SYNM: variants seen among roughly 807,000 people sequenced by gnomAD.
The protein encoded by SYNM is desmuslin.
A neutral mutation model predicts 104.0 loss-of-function variants in SYNM; 95 were observed. The ratio of observed to expected loss-of-function variants is 0.91; its 90% CI spans 0.77 to 1.08. SYNM has a LOEUF of 1.08. SYNM is among the 50% of genes least tolerant of loss of function. The pLI, the probability that SYNM is intolerant of heterozygous loss-of-function variation, is 0.00. For missense variants in SYNM, 2,150 were observed against 2,052.2 expected (o/e 1.05, Z -0.92); for synonymous variants, 918 against 869.0 (o/e 1.06, Z -0.99).
intron 2 of SYNM, among the ~76,000 whole-genome samples, chr15:99,120,474 G>A (rs1462521811): frequency 6.6e-6 from 1 of 152,206 alleles, no homozygotes; most frequent in Admixed American, 6.5e-5. Context: ...CCCGTCTCTG[G>A]GCAGCTGGGC....
Position 99,129,478 on chromosome 15 carries a change from C to T in SYNM, c.1118C>T (p.Ala373Val). 6.2e-7 allele frequency: 1 copy of T among 1,613,980 alleles called. No individual in the cohort carries two copies. Among genetic ancestry groups the T allele is most frequent in the Non-Finnish European group, 8.5e-7 (1 of 1,179,898 alleles). ...TTGGCAAGTTTCAATCACAGCTCGG[C>T]ACTGTATTCTAACCTGTCAGGGCAC... ...APLASFNHSSALYSNLSGHRG... is the reference protein window; with the variant it reads ...APLASFNHSSVLYSNLSGHRG... The change falls in exon 4 of 4, where the codon GCA becomes GTA. Residue 373 changes from alanine to valine, a missense_variant. By Grantham distance (64) the Ala-to-Val change is moderately conservative (BLOSUM62 0). Transcript: ENST00000336292.
rs113288259 is a variant in SYNM, at chr15:99,105,288, G to A, written c.89G>A (p.Arg30Gln). The A allele has an allele frequency of 2.2e-5, 34 of 1,553,220 alleles. 1 individual carries two copies. In the African/African-American group the frequency reaches 2.7e-4, roughly 12 times the overall value. Residue 30 changes from arginine (R) to glutamine (Q), a missense_variant, in exon 1 of 4, where the codon CGG becomes CAG. Physicochemically the swap from Arg to Gln is conservative, Grantham distance 43 (BLOSUM62 1). Coordinates refer to ENST00000336292, the MANE Select transcript of SYNM (RefSeq NM_145728.3). Reference sequence around the variant, plus strand: ...CTCTATGACTACGTGTGTCGGGTGCGGGAGCTGGAGCGCGAAAACCTACTC... The same window carrying A: ...CTCTATGACTACGTGTGTCGGGTGCAGGAGCTGGAGCGCGAAAACCTACTC... The part of the protein sequence containing the change: ...ARLYDYVCRV[R>Q]ELERENLLLE...
downstream of SYNM, chr15:99,136,665 T>C (rs2067615391): frequency 6.6e-6 from 1 of 152,322 alleles, no homozygotes; most frequent in Admixed American, 6.5e-5. Flanking sequence ...CTTTGGGGAT[T>C]AGGGCTTCAA....
Position 99,113,554 on chromosome 15 carries a change from C to T in SYNM, c.811-37C>T, listed in dbSNP as rs1555483613. ...CCTTCAGTTCGACCCAGTAAAGCTC[C>T]AGTTCTCTGATATAAAAGTCTGTCT... On this transcript the variant is annotated intron_variant, in intron 1 of 3. Coordinates refer to ENST00000336292, the MANE Select transcript of SYNM (RefSeq NM_145728.3). 3 of 1,610,396 alleles carry T rather than the reference C, an allele frequency of 1.9e-6. No individual in the cohort carries two copies. The South Asian group carries it at 3.3e-5, about 18-fold the overall frequency.
Position 99,129,981 on chromosome 15 carries a change from G to T in SYNM, c.1621G>T (p.Glu541Ter). The change falls in exon 4 of 4, where the codon GAA (glutamate) becomes TAA (stop). Residue 541 changes from glutamate to a stop codon, truncating the protein, a stop_gained. Coordinates refer to ENST00000336292, the MANE Select transcript of SYNM (RefSeq NM_145728.3). LOFTEE classifies it high-confidence loss of function. ...ASEERNLRWE[E>*]LTKLDKEARQ... Reference sequence around the variant, plus strand: ...CGAGGAGAGAAACCTAAGATGGGAAGAATTGACAAAGTTAGATAAGGAAGC... The same window carrying T: ...CGAGGAGAGAAACCTAAGATGGGAATAATTGACAAAGTTAGATAAGGAAGC... The T allele has an allele frequency of 6.2e-7, 1 of 1,612,366 alleles. No homozygotes were observed. The highest frequency in any genetic ancestry group is 8.5e-7 in the Non-Finnish European group (1 of 1,179,110).
At chr15:99,124,288 TCTC>T (rs1209531304) in intron 2 of SYNM, among the ~76,000 whole-genome samples, 1 of 152,200 alleles carries the variant, frequency 6.6e-6, no homozygotes, top group Non-Finnish European at 1.5e-5. Flanking sequence ...GTTTCTGGCT[TCTC>T]CTCAGAGTCT....
downstream of SYNM, chr15:99,138,135 C>T (rs782493207): frequency 2.4e-5 from 38 of 1,611,854 alleles, no homozygotes; most frequent in Admixed American, 8.3e-5. Flanking sequence ...GCCCTGCAGA[C>T]AAGCAGAGGG....
chr15:99,131,574 G>C lies in SYNM; in HGVS notation c.3214G>C (p.Glu1072Gln). The change falls in exon 4 of 4, where the codon GAG becomes CAG. Residue 1072 changes from glutamate to glutamine, a missense_variant. Glu to Gln is a conservative substitution (Grantham distance 29). Transcript: ENST00000336292. The surrounding 1 kb of genome is among the most constrained non-coding windows in gnomAD (Gnocchi z 4.3). The part of the protein sequence containing the change: ...GIRFRRWATR[E>Q]LYIPSGESEV... ...TCGCTTTAGGCGTTGGGCCACCCGG[G>C]AGCTGTACATCCCTTCAGGCGAGAG... 6.2e-7 allele frequency: 1 copy of C among 1,609,538 alleles called. No homozygotes were observed. Among genetic ancestry groups the C allele is most frequent in the Non-Finnish European group, 8.5e-7 (1 of 1,179,714 alleles).
At chr15:99,115,685 C>T (rs1480038614) in intron 2 of SYNM, among the ~76,000 whole-genome samples, 2 of 152,070 alleles carry the variant, frequency 1.3e-5, no homozygotes, top group Non-Finnish European at 2.9e-5. Flanking sequence ...TGGTCTCGAA[C>T]TCCTGACCTC....
chr15:99,132,844 G>C lies in SYNM; in HGVS notation c.4484G>C (p.Ser1495Thr). The C allele has an allele frequency of 6.2e-7, 1 of 1,613,978 alleles. No individual in the cohort carries two copies. Among genetic ancestry groups the C allele is most frequent in the Non-Finnish European group, 8.5e-7 (1 of 1,179,884 alleles). Residue 1495 changes from serine to threonine, a missense_variant, in exon 4 of 4, where the codon AGT becomes ACT. Transcript: ENST00000336292. ...SDRGSWRDAD[S>T]RNDQAVGVSF... ...CGTGGTTCCTGGAGAGACGCGGACA[G>C]TAGGAATGACCAGGCAGTTGGTGTG...
chr15:99,105,281 C>T lies in SYNM; in HGVS notation c.82C>T (p.Arg28Trp). The change falls in exon 1 of 4, where the codon CGG becomes TGG. Residue 28 changes from arginine (R) to tryptophan (W), a missense_variant. Coordinates refer to ENST00000336292, the MANE Select transcript of SYNM (RefSeq NM_145728.3). ...CGCCCGGCTCTATGACTACGTGTGT[C>T]GGGTGCGGGAGCTGGAGCGCGAAAA... ...LNARLYDYVC[R>W]VRELERENLL... is the part of the protein sequence containing the mutation. The T allele has an allele frequency of 6.4e-7, 1 of 1,557,158 alleles. No homozygotes were observed. The highest frequency in any genetic ancestry group is 8.7e-7 in the Non-Finnish European group (1 of 1,151,536).
At chr15:99,139,017 C>A (rs1555488629), downstream of SYNM, 4 of 442,996 alleles carry the variant, frequency 9.0e-6, no homozygotes, top group African/African-American at 8.0e-5. Flanking sequence ...CTGCAGGAGG[C>A]CACAGGGATT....
rs2067483066 is a variant in SYNM at position 99,129,929 on chromosome 15, A to G, written c.1569A>G (p.Lys523=). Reference sequence around the variant, plus strand: ...CCATCCGAACAAAGCCAGAAGAGAAAATGTTCGATTCTAAAGAGAAGGCTT... The same window carrying G: ...CCATCCGAACAAAGCCAGAAGAGAAGATGTTCGATTCTAAAGAGAAGGCTT... ...PETIRTKPEE[K]MFDSKEKASE... Residue 523 remains lysine (K), a synonymous_variant, in exon 4 of 4, where the codon AAA becomes AAG. Coordinates refer to ENST00000336292, the MANE Select transcript of SYNM (RefSeq NM_145728.3). The G allele has an allele frequency of 1.9e-6, 3 of 1,612,288 alleles. No individual in the cohort carries two copies. The highest frequency in any genetic ancestry group is 2.5e-6 in the Non-Finnish European group (3 of 1,179,098).
intron 1 of SYNM, 86 bp downstream of exon 1, chr15:99,106,095 C>T (rs1555482786): frequency 7.7e-7 from 1 of 1,305,770 alleles, no homozygotes; most frequent in African/African-American, 1.6e-5. Context: ...GCAGCGGCCC[C>T]TTCACCAGGG....
chr15:99,114,915 T>C (rs555717171), intron 2 of SYNM, among the ~76,000 whole-genome samples: 3 of 152,298 alleles, frequency 2.0e-5, no homozygotes, highest in East Asian at 3.9e-4. Context: ...AGAGACCCAG[T>C]TGCCCAACTT....
chr15:99,137,880 T>C, downstream of SYNM: 14 of 1,436,490 alleles, frequency 9.7e-6, no homozygotes, highest in Non-Finnish European at 1.2e-5. Flanking sequence ...TGTTGCATGT[T>C]GGGGCCAACA....
chr15:99,138,109 C>T (rs782741576), downstream of SYNM: 26 of 1,612,862 alleles, frequency 1.6e-5, no homozygotes, highest in Middle Eastern at 3.9e-4. Context: ...GCCTTGGCTT[C>T]GAAGCAACCT....
At chr15:99,122,173 T>C (rs1287612386) in intron 2 of SYNM, among the ~76,000 whole-genome samples, 1 of 152,218 alleles carries the variant, frequency 6.6e-6, no homozygotes, top group African/African-American at 2.4e-5. Flanking sequence ...GGGAAGGGCA[T>C]GGGAAGCTTC....
downstream of SYNM, among the ~76,000 whole-genome samples, chr15:99,138,907 CTGAG>C (rs1555488572): frequency 6.6e-6 from 1 of 152,218 alleles, no homozygotes. Context: ...TCTGCTCGGG[CTGAG>C]AAAGGACGTA....
Sources: allele counts gnomAD v4.1 joint callset (sites outside exome capture counted in the v4.1 genomes callset), GRCh38; gene constraint gnomAD v4.1.1; non-coding constraint Gnocchi (gnomAD v3.1); transcripts MANE v1.5; gene names NCBI Gene and HGNC (gene_info 2026-07-23, HGNC 2026-07-21).